CBR4: variants seen among roughly 807,000 people sequenced by gnomAD.
CBR4 encodes 3-oxoacyl-[acyl-carrier-protein] reductase.
Under a neutral mutation model 21.0 loss-of-function variants are expected in CBR4, and 22 were observed. That is an observed-to-expected ratio of 1.05 (90% CI 0.75 to 1.50). CBR4 has a LOEUF of 1.50. CBR4 is among the 40% of genes most tolerant of loss of function. The pLI is 0.00. For synonymous variants in CBR4, 100 were observed against 104.4 expected, an observed-to-expected ratio of 0.96 and a Z score of 0.26; for missense variants, 302 against 286.3, an observed-to-expected ratio of 1.05 and a Z score of -0.40.
intron 2 of CBR4, among the ~76,000 whole-genome samples, chr4:168,947,473 G>A (rs1409102427): frequency 6.6e-6 from 1 of 152,010 alleles, no homozygotes; most frequent in Admixed American, 6.6e-5. Flanking sequence ...GTGAGATTTT[G>A]GTGCAGCCAT....
At chr4:168,894,721 C>T in exon 3 of CBR4, 3 of 1,594,376 alleles carry the variant, frequency 1.9e-6, no homozygotes, top group Non-Finnish European at 2.6e-6. Flanking sequence ...TTTATTCTGT[C>T]CCCCTTTTCC....
intron 3 of CBR4, among the ~76,000 whole-genome samples, chr4:169,006,321 T>C (rs1283855177): frequency 2.0e-5 from 3 of 151,990 alleles, no homozygotes; most frequent in Non-Finnish European, 2.9e-5. Context: ...GGCCACATAG[T>C]GTGACCTCGT....
chr4:168,925,069 G>A lies in CBR4; in HGVS notation n.170-30304C>T, dbSNP rs1389221540. On this transcript the variant is annotated intron_variant and non_coding_transcript_variant, in intron 2 of 3. Transcript: ENST00000509108. Reference sequence around the variant, plus strand: ...GATTGTGTCCTGTACTGCCAGGCTGGACGTTTACAGTGAGTGCCACTTCAT... The same window carrying A: ...GATTGTGTCCTGTACTGCCAGGCTGAACGTTTACAGTGAGTGCCACTTCAT... 1 of 1,614,092 alleles carries A rather than the reference G, an allele frequency of 6.2e-7. No homozygotes were observed. The highest frequency in any genetic ancestry group is 1.1e-5 in the South Asian group (1 of 91,072).
chr4:168,989,020 C>T lies in CBR4; in HGVS notation c.*1130G>A, dbSNP rs764455001. On this transcript the variant is annotated 3_prime_UTR_variant, in exon 5 of 5. Coordinates refer to ENST00000306193, the MANE Select transcript of CBR4 (RefSeq NM_032783.5). ...TAATTATTACCTGGTATTTCACATTCGGTTTGTGTCTTTATCTCTACTCCC... is the reference window on the plus strand; with the variant it reads ...TAATTATTACCTGGTATTTCACATTTGGTTTGTGTCTTTATCTCTACTCCC... 5 of 984,078 alleles carry T rather than the reference C, an allele frequency of 5.1e-6. No homozygotes were observed. Among genetic ancestry groups the T allele is most frequent in the East Asian group, 1.1e-4 (1 of 8,826 alleles). 61.0% of individuals were successfully genotyped at this position (984,078 alleles called of 1,614,324 possible). A position where few individuals can be genotyped will look rare whatever the true frequency, so the allele number is the denominator to read the frequency against.
At chr4:168,902,093 G>A (rs564459114) in intron 2 of CBR4, among the ~76,000 whole-genome samples, 7 of 152,136 alleles carry the variant, frequency 4.6e-5, no homozygotes, top group African/African-American at 1.7e-4. Flanking sequence ...ATATATTTCT[G>A]GTCTTTTCCT....
chr4:168,929,050 G>A (rs562678520), intron 2 of CBR4, among the ~76,000 whole-genome samples: 2 of 152,330 alleles, frequency 1.3e-5, no homozygotes, highest in East Asian at 3.9e-4. Flanking sequence ...GCCTGCCACA[G>A]CAATGTACTG....
chr4:168,985,365 G>C (rs955122351), downstream of CBR4, among the ~76,000 whole-genome samples: 1 of 152,090 alleles, frequency 6.6e-6, no homozygotes, highest in Non-Finnish European at 1.5e-5. Flanking sequence ...ACTCAGATTG[G>C]CTATTATTAA....
rs149769375 is a variant in CBR4 at position 168,940,378 on chromosome 4, G to A, written n.170-45613C>T. On this transcript the variant is annotated intron_variant and non_coding_transcript_variant, in intron 2 of 3. Transcript: ENST00000509108. ...GCAATACCATTCAGGACACAGGCATGGGCAAAGACTTCATTACTAAAATAC... is the reference window on the plus strand; with the variant it reads ...GCAATACCATTCAGGACACAGGCATAGGCAAAGACTTCATTACTAAAATAC... 1.4e-3 allele frequency among the ~76,000 whole-genome samples: 208 copies of A among 152,234 alleles called. 1 individual carries two copies. The highest frequency in any genetic ancestry group is 4.7e-3 in the African/African-American group (197 of 41,548).
intron 2 of CBR4, among the ~76,000 whole-genome samples, chr4:168,919,143 T>C (rs1406714642): frequency 6.6e-6 from 1 of 152,188 alleles, no homozygotes; most frequent in Admixed American, 6.5e-5. Flanking sequence ...ATAACTGTCC[T>C]TAAAACGCCT....
At chr4:168,921,905 A>C (rs950087843) in intron 2 of CBR4, among the ~76,000 whole-genome samples, 11 of 152,136 alleles carry the variant, frequency 7.2e-5, no homozygotes, top group Admixed American at 7.2e-4. Flanking sequence ...CTAGCAAAAC[A>C]GAAACAGAAA....
chr4:168,976,172 C>A (rs1282786289), intron 2 of CBR4, among the ~76,000 whole-genome samples: 1 of 152,194 alleles, frequency 6.6e-6, no homozygotes, highest in Non-Finnish European at 1.5e-5. Context: ...TCACAAAATT[C>A]AGCTAGGAGG....
intron 3 of CBR4, among the ~76,000 whole-genome samples, chr4:169,002,740 A>AT (rs34433008): frequency 0.032 from 4,514 of 142,474 alleles, 98 homozygotes; most frequent in African/African-American, 0.054. Flanking sequence ...CAGATATTGC[A>AT]TTTTTTTTTT....
chr4:168,918,325 G>GAAATAT (rs1553981956), intron 2 of CBR4, among the ~76,000 whole-genome samples: 1 of 149,460 alleles, frequency 6.7e-6, no homozygotes, highest in Non-Finnish European at 1.5e-5. Context: ...GAAAATATGA[G>GAAATAT]ATATATATAT....
chr4:168,985,249 C>G (rs1764651939), downstream of CBR4, among the ~76,000 whole-genome samples: 1 of 152,092 alleles, frequency 6.6e-6, no homozygotes, highest in African/African-American at 2.4e-5. Context: ...AGACATTTCT[C>G]AAAAGAAGAC....
intron 2 of CBR4, among the ~76,000 whole-genome samples, chr4:168,959,067 T>A (rs564878280): frequency 9.8e-5 from 15 of 152,288 alleles, no homozygotes; most frequent in Admixed American, 3.9e-4. Context: ...TTACCATTTT[T>A]TTTCTGTATG....
intron 2 of CBR4, among the ~76,000 whole-genome samples, chr4:168,901,395 G>A (rs891404560): frequency 6.6e-6 from 1 of 151,998 alleles, no homozygotes; most frequent in Non-Finnish European, 1.5e-5. Flanking sequence ...CCATTAGTAC[G>A]CTTGGTAAAA....
downstream of CBR4, among the ~76,000 whole-genome samples, chr4:168,987,291 G>A (rs964689377): frequency 6.6e-6 from 1 of 152,206 alleles, no homozygotes; most frequent in Non-Finnish European, 1.5e-5. Context: ...TCCAAGATAT[G>A]AACTGAGAGT....
At chr4:168,928,041 C>G (rs941222674) in intron 2 of CBR4, 1 of 195,282 alleles carries the variant, frequency 5.1e-6, no homozygotes, top group Non-Finnish European at 1.1e-5. Context: ...CAGCTTTCTA[C>G]TTCTTTGTAA....
At chr4:168,924,485 ATT>A in intron 2 of CBR4, 1 of 1,394,856 alleles carries the variant, frequency 7.2e-7, no homozygotes, top group Non-Finnish European at 1.0e-6. Flanking sequence ...CAAAAGATAC[ATT>A]TTATATAGCA....
Sources: allele counts gnomAD v4.1 joint callset (sites outside exome capture counted in the v4.1 genomes callset), GRCh38; gene constraint gnomAD v4.1.1; transcripts MANE v1.5; gene names NCBI Gene and HGNC (gene_info 2026-07-23, HGNC 2026-07-21).